The following DUS4L variants were observed in gnomAD, a reference collection of about 807,000 sequenced individuals.
DUS4L encodes the protein tRNA-dihydrouridine(20a/20b) synthase [NAD(P)+]-like.
DUS4L carries 31 observed loss-of-function variants against 33.8 expected under a neutral mutation model. The ratio of observed to expected loss-of-function variants is 0.92; its 90% CI spans 0.69 to 1.24. The LOEUF (loss-of-function observed/expected upper bound fraction) is 1.24. DUS4L is among the 50% of genes most tolerant of loss of function. The pLI, the probability that DUS4L is intolerant of heterozygous loss-of-function variation, is 0.00. For missense variants in DUS4L, 368 were observed against 388.6 expected (o/e 0.95, Z 0.45); for synonymous variants, 103 against 120.3 (o/e 0.86, Z 0.94).
chr7:107,565,485 C>T (rs1804564079), intron 2 of DUS4L, among the ~76,000 whole-genome samples: 1 of 152,108 alleles, frequency 6.6e-6, no homozygotes, highest in African/African-American at 2.4e-5. Context: ...TTAAAAGCTC[C>T]TCGGGTCATT....
At chr7:107,573,870 A>G (rs1232761541) in intron 5 of DUS4L, 49 bp downstream of exon 5, 2 of 1,445,132 alleles carry the variant, frequency 1.4e-6, no homozygotes, top group Non-Finnish European at 1.8e-6. Context: ...TAGAAAAAAA[A>G]CTGTGTGAAC....
chr7:107,576,088 C>T lies in DUS4L; in HGVS notation c.480-278C>T, dbSNP rs957253154. On this transcript the variant is annotated intron_variant, in intron 6 of 7. Coordinates refer to ENST00000265720, the MANE Select transcript of DUS4L (RefSeq NM_181581.3). ...AGGTTTAAATTCATCTGTGACAGTA[C>T]TTTCATGGGTCTTTCATTTATCAAA... 2.0e-5 allele frequency among the ~76,000 whole-genome samples: 3 copies of T among 152,324 alleles called. No homozygotes were observed. The East Asian group carries it at 5.8e-4, about 29-fold the overall frequency.
At chr7:107,568,695 C>G (rs996243061) in intron 3 of DUS4L, among the ~76,000 whole-genome samples, 3 of 152,136 alleles carry the variant, frequency 2.0e-5, no homozygotes, top group African/African-American at 7.2e-5. Context: ...TCAATTTTTC[C>G]TTTTGTAAAT....
chr7:107,565,121 A>G (rs1223403828), intron 2 of DUS4L, among the ~76,000 whole-genome samples: 1 of 152,176 alleles, frequency 6.6e-6, no homozygotes, highest in Non-Finnish European at 1.5e-5. Flanking sequence ...TGAATTAGGA[A>G]TTGTTTTTCC....
chr7:107,575,445 A>G, intron 6 of DUS4L, 135 bp downstream of exon 6: 1 of 971,042 alleles, frequency 1.0e-6, no homozygotes, highest in Middle Eastern at 3.5e-4. Flanking sequence ...TGTTGAAAAT[A>G]AGACATTTAG....
rs773307945 is a variant in DUS4L at position 107,573,786 on chromosome 7, G to A, written c.321G>A (p.Ala107=). Residue 107 remains alanine, a synonymous_variant, in exon 5 of 8, where the codon GCG becomes GCA. Coordinates refer to ENST00000265720, the MANE Select transcript of DUS4L (RefSeq NM_181581.3). ...SDAARIVCPY[A]NGIDINCGCP... Reference sequence around the variant, plus strand: ...CTGCTCGTATAGTCTGTCCTTATGCGAATGGAATAGACATTAACTGTGGTT... The same window carrying A: ...CTGCTCGTATAGTCTGTCCTTATGCAAATGGAATAGACATTAACTGTGGTT... 47 of 1,597,556 alleles carry A rather than the reference G, an allele frequency of 2.9e-5. No homozygotes were observed. The highest frequency in any genetic ancestry group is 1.2e-4 in the Admixed American group (7 of 57,766).
chr7:107,569,713 C>A (rs1380915116), intron 3 of DUS4L, among the ~76,000 whole-genome samples: 1 of 152,184 alleles, frequency 6.6e-6, no homozygotes, highest in Non-Finnish European at 1.5e-5. Context: ...TTTTGGTGTT[C>A]ACATGTTTAT....
chr7:107,575,434 AT>A (rs766946105), intron 6 of DUS4L, 124 bp downstream of exon 6: 112 of 1,079,508 alleles, frequency 1.0e-4, no homozygotes, highest in Non-Finnish European at 1.4e-4. Context: ...GTGTATGGAA[AT>A]GTTGAAAATA....
chr7:107,573,631 C>T (rs1278901489), intron 4 of DUS4L, 73 bp from the exon 5 acceptor site: 1 of 1,443,374 alleles, frequency 6.9e-7, no homozygotes, highest in Non-Finnish European at 9.3e-7. Context: ...CCTGTACAAA[C>T]ATTAAAGTTT....
intron 2 of DUS4L, among the ~76,000 whole-genome samples, chr7:107,565,583 G>A (rs552225714): frequency 3.6e-4 from 55 of 152,144 alleles, no homozygotes; most frequent in Non-Finnish European, 6.9e-4. Context: ...GAGTGCAGTG[G>A]CAGGATCGTG....
rs368523367 is a variant in DUS4L at position 107,566,620 on chromosome 7, T to C, written c.-21-430T>C. On this transcript the variant is annotated intron_variant, in intron 2 of 7. Coordinates refer to ENST00000265720, the MANE Select transcript of DUS4L (RefSeq NM_181581.3). ...TTTTGAAACACTGACTACTTAAGAG[T>C]TGCTCTATTAATGCCATTTAACTTT... 7.2e-5 allele frequency among the ~76,000 whole-genome samples: 11 copies of C among 152,226 alleles called. No homozygotes were observed. In the East Asian group the frequency reaches 1.7e-3, roughly 24 times the overall value.
chr7:107,564,276 G>A, intron 1 of DUS4L, 67 bp downstream of exon 1: 1 of 508,630 alleles, frequency 2.0e-6, no homozygotes, highest in Non-Finnish European at 3.6e-6. Context: ...AACAGGGGCC[G>A]CGCGGCGTAA....
rs1805252520 is a variant in DUS4L at position 107,571,711 on chromosome 7, CTG to C, written c.238+449_238+450del. On this transcript the variant is annotated intron_variant, in intron 4 of 7. Coordinates refer to ENST00000265720, the MANE Select transcript of DUS4L (RefSeq NM_181581.3). ...AATTCCACATATGTGGTCCAGCAAT[CTG>C]TGTTTTAAAAGCTCTCCAGGTAATT... 2.6e-5 allele frequency among the ~76,000 whole-genome samples: 4 copies of C among 152,306 alleles called. No individual in the cohort carries two copies. The South Asian group carries it at 6.2e-4, about 24-fold the overall frequency.
chr7:107,573,673 A>C, intron 4 of DUS4L, 31 bp from the exon 5 acceptor site: 1 of 1,592,090 alleles, frequency 6.3e-7, no homozygotes, highest in Non-Finnish European at 8.5e-7. Context: ...TTTTCCTGTG[A>C]ATTTTAATGT....
Position 107,567,203 on chromosome 7 carries a change from G to C in DUS4L, c.116+17G>C. 6.2e-7 allele frequency: 1 copy of C among 1,603,702 alleles called. No individual in the cohort carries two copies. Among genetic ancestry groups the C allele is most frequent in the African/African-American group, 1.3e-5 (1 of 74,620 alleles). The stretch of plus-strand genomic sequence containing the variant: ...ATATTCAAAGTAAGTGTTGCAAAAT[G>C]ATTAATGAACTAAGATGAAATTTCC... On this transcript the variant is annotated intron_variant, in intron 3 of 7. Transcript: ENST00000265720.
chr7:107,575,344 A>G (rs760131198), intron 6 of DUS4L, 34 bp downstream of exon 6: 1 of 1,597,366 alleles, frequency 6.3e-7, no homozygotes, highest in Non-Finnish European at 8.5e-7. Flanking sequence ...TGATAGGATA[A>G]TCCATTACTT....
chr7:107,567,432 A>T (rs915326126), intron 3 of DUS4L, among the ~76,000 whole-genome samples: 2 of 152,138 alleles, frequency 1.3e-5, no homozygotes, highest in Non-Finnish European at 2.9e-5. Flanking sequence ...ACTCCTACCT[A>T]TAAGTATATA....
chr7:107,570,503 C>G (rs1238152840), intron 3 of DUS4L: 1 of 152,484 alleles, frequency 6.6e-6, no homozygotes, highest in Non-Finnish European at 1.5e-5. Context: ...GCATGGAAGT[C>G]CAGGCTCCCC....
chr7:107,571,239 A>G lies in DUS4L; in HGVS notation c.211A>G (p.Arg71Gly). 6.2e-7 allele frequency: 1 copy of G among 1,611,018 alleles called. No individual in the cohort carries two copies. The highest frequency in any genetic ancestry group is 8.5e-7 in the Non-Finnish European group (1 of 1,179,238). Residue 71 changes from arginine (R) to glycine (G), a missense_variant, in exon 4 of 8, where the codon AGA becomes GGA. By Grantham distance (125) the Arg-to-Gly change is moderately radical. Coordinates refer to ENST00000265720, the MANE Select transcript of DUS4L (RefSeq NM_181581.3). ...AADFVKSIKA[R>G]DSEFTTNQGD... ...TGATTTTGTCAAATCTATAAAAGCC[A>G]GAGACAGCGAATTTACCACAAATCA...
Sources: allele counts gnomAD v4.1 joint callset (sites outside exome capture counted in the v4.1 genomes callset), GRCh38; gene constraint gnomAD v4.1.1; transcripts MANE v1.5; gene names NCBI Gene and HGNC (gene_info 2026-07-23, HGNC 2026-07-21).